Variants in RGS12 observed in about 807,000 individuals in gnomAD.
RGS12 encodes regulator of G-protein signaling 12.
A neutral mutation model predicts 120.1 loss-of-function variants in RGS12; 66 were observed. The observed-to-expected ratio is 0.55, with a 90% CI of 0.45 to 0.67. RGS12 has a LOEUF of 0.67. RGS12 is among the 30% of genes least tolerant of loss of function. The pLI, the probability that RGS12 is intolerant of heterozygous loss-of-function variation, is 0.00. For missense variants in RGS12, 1,859 were observed against 1,957.7 expected (o/e 0.95, Z 0.95); for synonymous variants, 827 against 804.7 (o/e 1.03, Z -0.47).
chr4:3,289,619 CAG>C (rs1395582278), upstream of RGS12, among the ~76,000 whole-genome samples: 2 of 152,186 alleles, frequency 1.3e-5, no homozygotes, highest in East Asian at 1.9e-4. Flanking sequence ...GTTTACACTA[CAG>C]AGTGATTAAG....
chr4:3,430,356 A>T, intron 16 of RGS12, 51 bp from the exon 17 acceptor site: 3 of 1,503,442 alleles, frequency 2.0e-6, no homozygotes, highest in Non-Finnish European at 2.7e-6. Context: ...GGTGACAGTC[A>T]TTAATGTGAA....
intron 8 of RGS12, 131 bp downstream of exon 8, chr4:3,417,223 T>C (rs995117965): frequency 4.6e-6 from 6 of 1,318,234 alleles, no homozygotes; most frequent in Non-Finnish European, 6.1e-6. Context: ...TGCTGGAAAG[T>C]TCCAGCTGCT....
At chr4:3,348,817 G>GT (rs1270801203) in intron 3 of RGS12, among the ~76,000 whole-genome samples, 1 of 152,196 alleles carries the variant, frequency 6.6e-6, no homozygotes, top group Non-Finnish European at 1.5e-5. Flanking sequence ...AGGGGAGAGA[G>GT]TGGAAGGCAG....
chr4:3,431,520 T>G (rs1724305412), intron 17 of RGS12: 23 of 986,244 alleles, frequency 2.3e-5, no homozygotes, highest in Non-Finnish European at 2.6e-5. Flanking sequence ...TCAGCAGCGC[T>G]CTCTGACCGC....
intron 4 of RGS12, among the ~76,000 whole-genome samples, chr4:3,405,688 G>A (rs568026963): frequency 2.0e-5 from 3 of 152,306 alleles, no homozygotes; most frequent in African/African-American, 7.2e-5. Context: ...GGGCAAAGAG[G>A]CATGCTGTCT....
At chr4:3,297,501 A>G (rs1406196275) in intron 1 of RGS12, among the ~76,000 whole-genome samples, 2 of 152,070 alleles carry the variant, frequency 1.3e-5, no homozygotes, top group Non-Finnish European at 2.9e-5. Context: ...CTGTCCCTCT[A>G]TGTGCCATCA....
intron 17 of RGS12, among the ~76,000 whole-genome samples, chr4:3,435,549 C>G (rs1165791384): frequency 6.7e-6 from 1 of 150,170 alleles, no homozygotes; most frequent in East Asian, 2.0e-4. Flanking sequence ...TCCCTAGAGC[C>G]CCCTCTCTCC....
rs370211172 is a variant in RGS12 at position 3,425,515 on chromosome 4, G to A, written c.3286G>A (p.Gly1096Arg). The stretch of plus-strand genomic sequence containing the variant: ...TGGCGCCCCTATATCGAGTCTGGAC[G>A]GACAGCGGGTTGTCTTGGAGGAGAA... ...DLGAPISSLD[G>R]QRVVLEEKDP... Residue 1096 changes from glycine (G) to arginine (R), a missense_variant, in exon 14 of 18, where the codon GGA becomes AGA. Coordinates refer to ENST00000336727, the MANE Select transcript of RGS12 (RefSeq NM_001394154.1). 141 of 1,611,772 alleles carry A rather than the reference G, an allele frequency of 8.7e-5. No individual in the cohort carries two copies. The highest frequency in any genetic ancestry group is 1.1e-4 in the Non-Finnish European group (124 of 1,179,694).
At chr4:3,373,297 G>A (rs376182763) in intron 3 of RGS12, among the ~76,000 whole-genome samples, 3 of 152,348 alleles carry the variant, frequency 2.0e-5, no homozygotes, top group African/African-American at 7.2e-5. Context: ...AGGGTCCCCC[G>A]ACAGAGAGTC....
At chr4:3,287,925 C>T in the RGS12 span, among the ~76,000 whole-genome samples, 2 of 152,184 alleles carry the variant, frequency 1.3e-5, no homozygotes, top group Non-Finnish European at 2.9e-5. Flanking sequence ...CACCGGGCCC[C>T]ACACAAACCT....
At chr4:3,356,826 A>G (rs996871758) in intron 3 of RGS12, among the ~76,000 whole-genome samples, 1 of 152,146 alleles carries the variant, frequency 6.6e-6, no homozygotes. Context: ...TCCGTGTTTT[A>G]GCTATTGTGA....
chr4:3,369,912 G>A, intron 3 of RGS12: 1 of 603,806 alleles, frequency 1.7e-6, no homozygotes, highest in Non-Finnish European at 2.2e-6. Flanking sequence ...AATTAAGGTT[G>A]TGAACTGCAC....
chr4:3,418,785 G>C (rs574592880), intron 9 of RGS12: 1 of 152,208 alleles, frequency 6.6e-6, no homozygotes, highest in Admixed American at 6.5e-5. Flanking sequence ...TTATTAGGTG[G>C]GGCCAGGCCT....
intron 2 of RGS12, among the ~76,000 whole-genome samples, chr4:3,327,993 T>C (rs1056633345): frequency 6.6e-6 from 1 of 152,218 alleles, no homozygotes; most frequent in Non-Finnish European, 1.5e-5. Context: ...TCAACCTAAG[T>C]GTCCATCGGT....
intron 3 of RGS12, among the ~76,000 whole-genome samples, chr4:3,351,658 TA>T (rs2108804468): frequency 6.6e-6 from 1 of 152,294 alleles, no homozygotes; most frequent in Non-Finnish European, 1.5e-5. Context: ...GATGGAGAGT[TA>T]ACCCTGTAGT....
intron 3 of RGS12, among the ~76,000 whole-genome samples, chr4:3,381,473 AATGGGTTTAATTGAC>A (rs1340759182): frequency 2.6e-5 from 4 of 152,208 alleles, no homozygotes; most frequent in Non-Finnish European, 5.9e-5. Flanking sequence ...TTATAAAGGA[AATGGGTTTAATTGAC>A]TCACAGTTCC....
intron 3 of RGS12, among the ~76,000 whole-genome samples, chr4:3,383,854 CCTT>C (rs1212909976): frequency 6.6e-6 from 1 of 152,118 alleles, no homozygotes; most frequent in African/African-American, 2.4e-5. Context: ...TCCCTGGCCA[CCTT>C]CTCCTTCAGT....
At chr4:3,381,095 G>C (rs1389110120) in intron 3 of RGS12, among the ~76,000 whole-genome samples, 2 of 152,192 alleles carry the variant, frequency 1.3e-5, no homozygotes, top group African/African-American at 4.8e-5. Context: ...AAGTTCCGCA[G>C]ATATCTAGGG....
intron 3 of RGS12, chr4:3,385,326 A>G (rs1718723733): frequency 6.6e-6 from 1 of 152,358 alleles, no homozygotes; most frequent in African/African-American, 2.4e-5. Flanking sequence ...AGATAGCAGC[A>G]GAGTGCCTGC....
Sources: gnomAD v4.1 joint callset for allele counts (sites outside exome capture counted in the v4.1 genomes callset) on GRCh38, gnomAD v4.1.1 for gene constraint, MANE v1.5 for transcripts, NCBI Gene and HGNC (gene_info 2026-07-23, HGNC 2026-07-21) for gene names.